PLXDC2: variants seen among roughly 807,000 people sequenced by gnomAD.
The protein encoded by PLXDC2 is plexin domain containing 2.
A neutral mutation model predicts 68.9 loss-of-function variants in PLXDC2; 40 were observed. The ratio of observed to expected loss-of-function variants is 0.58; its 90% CI spans 0.45 to 0.76. The LOEUF is 0.76. Ranked by LOEUF, PLXDC2 falls within the 30% of genes least tolerant of loss-of-function variation. The pLI is 0.00. For synonymous variants in PLXDC2, 243 were observed against 234.2 expected (o/e 1.04, Z -0.34); for missense variants, 644 against 661.9 (o/e 0.97, Z 0.30).
chr10:19,910,168 TTA>T (rs3043811), intron 1 of PLXDC2, among the ~76,000 whole-genome samples: 6,769 of 145,112 alleles, frequency 0.047, 299 homozygotes, highest in African/African-American at 0.11. Flanking sequence ...TTGTACACTT[TTA>T]TATATATATA....
chr10:20,084,464 T>C lies in PLXDC2; in HGVS notation c.541+16225T>C, dbSNP rs1833162635. On this transcript the variant is annotated intron_variant, in intron 4 of 13. Coordinates refer to ENST00000377252, the MANE Select transcript of PLXDC2 (RefSeq NM_032812.9). ...CTGAAGCCACAGTGGGGAGTCATTC[T>C]GGGCTGACCTTATAGCAGGCCTTGT... 2.0e-5 allele frequency among the ~76,000 whole-genome samples: 3 copies of C among 152,272 alleles called. No homozygotes were observed. In the South Asian group the frequency reaches 6.2e-4, roughly 32 times the overall value.
intron 12 of PLXDC2, among the ~76,000 whole-genome samples, chr10:20,244,373 A>G (rs576789345): frequency 6.6e-6 from 1 of 152,320 alleles, no homozygotes; most frequent in South Asian, 2.1e-4. Flanking sequence ...TCCCTTTGCT[A>G]ATTCAGAAAA....
chr10:20,161,826 G>A (rs1004124863), intron 6 of PLXDC2, among the ~76,000 whole-genome samples: 9 of 152,026 alleles, frequency 5.9e-5, no homozygotes, highest in Non-Finnish European at 1.3e-4. Flanking sequence ...GAGGTCAGGA[G>A]TTCAAGACCA....
intron 9 of PLXDC2, among the ~76,000 whole-genome samples, chr10:20,193,877 A>G (rs369590580): frequency 6.6e-5 from 10 of 152,006 alleles, no homozygotes; most frequent in African/African-American, 2.2e-4. Flanking sequence ...TAGTAATTTG[A>G]TATTTTGTAT....
At position 20,018,288 on chromosome 10, in the gene PLXDC2, G is replaced by A. The variant is rs563896506; in HGVS notation, c.324+16302G>A. Reference sequence around the variant, plus strand: ...GGAGACACTTCACTGCTGTCTACCTGTTTTCCCCATACTATGTTGAGTTGA... The same window carrying A: ...GGAGACACTTCACTGCTGTCTACCTATTTTCCCCATACTATGTTGAGTTGA... On this transcript the variant is annotated intron_variant, in intron 2 of 13. Transcript: ENST00000377252. Among the ~76,000 whole-genome samples, 63 of 151,410 alleles carry A rather than the reference G, an allele frequency of 4.2e-4. No individual in the cohort carries two copies. In the South Asian group the frequency reaches 5.9e-3, roughly 14 times the overall value.
intron 13 of PLXDC2, among the ~76,000 whole-genome samples, chr10:20,278,709 T>C (rs181313711): frequency 1.2e-3 from 189 of 152,262 alleles, no homozygotes; most frequent in South Asian, 0.011. Flanking sequence ...TGGCATGTAA[T>C]TGGAAAATCT....
At chr10:20,162,071 A>AGAGAAG (rs1834305289) in intron 6 of PLXDC2, among the ~76,000 whole-genome samples, 16 of 44,898 alleles carry the variant, frequency 3.6e-4, no homozygotes, top group Admixed American at 7.7e-4. Context: ...AGAGAGAGAG[A>AGAGAAG]GAAGGAAGGA....
intron 4 of PLXDC2, among the ~76,000 whole-genome samples, chr10:20,072,149 C>A (rs983402242): frequency 6.6e-6 from 1 of 151,568 alleles, no homozygotes; most frequent in Non-Finnish European, 1.5e-5. Flanking sequence ...GAGTTTGGAT[C>A]GCCTGAGGTC....
intron 7 of PLXDC2, among the ~76,000 whole-genome samples, chr10:20,174,671 A>G (rs1319436795): frequency 6.6e-6 from 1 of 152,134 alleles, no homozygotes; most frequent in Non-Finnish European, 1.5e-5. Context: ...GAGGGAAAGC[A>G]TTAGGAGATA....
intron 4 of PLXDC2, among the ~76,000 whole-genome samples, chr10:20,078,456 G>A (rs188108886): frequency 3.3e-5 from 5 of 152,258 alleles, no homozygotes; most frequent in Admixed American, 1.3e-4. Flanking sequence ...TTTCTATACA[G>A]TTTGAAAAAT....
chr10:20,130,681 G>T (rs1020182074), intron 4 of PLXDC2, among the ~76,000 whole-genome samples: 3 of 151,952 alleles, frequency 2.0e-5, no homozygotes, highest in African/African-American at 7.2e-5. Flanking sequence ...TACCTAATTT[G>T]TTGAGAGTTT....
At chr10:20,206,084 A>G (rs1238257046) in intron 9 of PLXDC2, among the ~76,000 whole-genome samples, 2 of 152,156 alleles carry the variant, frequency 1.3e-5, no homozygotes, top group African/African-American at 4.8e-5. Context: ...AATTAGCTTT[A>G]TGTAATCTTT....
intron 13 of PLXDC2, among the ~76,000 whole-genome samples, chr10:20,263,692 T>G (rs778885285): frequency 2.0e-5 from 3 of 152,004 alleles, no homozygotes; most frequent in Non-Finnish European, 4.4e-5. Context: ...AAAGAAGACA[T>G]ACATGCAGCC....
chr10:20,269,814 T>G (rs1246081651), intron 13 of PLXDC2, among the ~76,000 whole-genome samples: 3 of 151,928 alleles, frequency 2.0e-5, no homozygotes, highest in Non-Finnish European at 4.4e-5. Flanking sequence ...GGTCAGGAGT[T>G]CGAGACCAGC....
chr10:20,135,899 G>A (rs564704426), intron 4 of PLXDC2, among the ~76,000 whole-genome samples: 43 of 152,112 alleles, frequency 2.8e-4, no homozygotes, highest in African/African-American at 9.9e-4. Context: ...CTTGACAGCT[G>A]GTTACAAGTA....
intron 1 of PLXDC2, among the ~76,000 whole-genome samples, chr10:19,882,427 A>C (rs527832382): frequency 4.7e-3 from 719 of 152,312 alleles, no homozygotes; most frequent in Non-Finnish European, 8.7e-3. Context: ...GGAAATGTTT[A>C]GGTTAATAAT....
intron 1 of PLXDC2, among the ~76,000 whole-genome samples, chr10:19,976,206 G>GT (rs1279288201): frequency 6.6e-6 from 1 of 151,592 alleles, no homozygotes; most frequent in Non-Finnish European, 1.5e-5. Context: ...TTTGTTGTTT[G>GT]TTTTTTTGTT....
intron 1 of PLXDC2, among the ~76,000 whole-genome samples, chr10:19,940,758 A>G (rs1487992196): frequency 6.6e-6 from 1 of 152,218 alleles, no homozygotes; most frequent in Non-Finnish European, 1.5e-5. Context: ...AAGCAGTAGA[A>G]TTAAATATTT....
intron 9 of PLXDC2, among the ~76,000 whole-genome samples, chr10:20,177,795 A>G (rs1228612197): frequency 1.3e-5 from 2 of 152,160 alleles, no homozygotes; most frequent in Non-Finnish European, 2.9e-5. Flanking sequence ...TCAAAAGTGT[A>G]GCATATGTAT....
Sources: allele counts gnomAD v4.1 joint callset (sites outside exome capture counted in the v4.1 genomes callset), GRCh38; gene constraint gnomAD v4.1.1; transcripts MANE v1.5; gene names NCBI Gene and HGNC (gene_info 2026-07-23, HGNC 2026-07-21).